SLC24A2: variants seen among roughly 807,000 people sequenced by gnomAD.
SLC24A2 encodes sodium/potassium/calcium exchanger 2.
Under a neutral mutation model 62.0 loss-of-function variants are expected in SLC24A2, and 36 were observed. That is an observed-to-expected ratio of 0.58 (90% CI 0.44 to 0.77). SLC24A2 has a LOEUF of 0.77. SLC24A2 is among the 30% of genes least tolerant of loss of function. SLC24A2 has a pLI of 0.00. For synonymous variants in SLC24A2, 358 were observed against 294.0 expected (o/e 1.22, Z -2.23); for missense variants, 846 against 817.9 (o/e 1.03, Z -0.42).
the SLC24A2 span, among the ~76,000 whole-genome samples, chr9:20,220,292 G>C: frequency 1.1e-4 from 17 of 151,904 alleles, no homozygotes; most frequent in African/African-American, 4.1e-4. Context: ...GACTACTTTC[G>C]GCCCTCATTA....
chr9:19,859,493 T>TA, the SLC24A2 span, among the ~76,000 whole-genome samples: 1 of 152,018 alleles, frequency 6.6e-6, no homozygotes, highest in East Asian at 1.9e-4. Context: ...TCCCTGAACC[T>TA]AAAATAAATG....
the SLC24A2 span, among the ~76,000 whole-genome samples, chr9:19,990,282 A>G: frequency 6.6e-6 from 1 of 152,040 alleles, no homozygotes. Flanking sequence ...TTTGCTTTCC[A>G]TGGTTTAGGT....
chr9:19,654,129 T>G lies in SLC24A2; in HGVS notation c.931-31830A>C, dbSNP rs545508505. 1.3e-4 allele frequency among the ~76,000 whole-genome samples: 20 copies of G among 152,346 alleles called. 1 individual carries two copies. Among genetic ancestry groups the G allele is most frequent in the African/African-American group, 4.8e-4 (20 of 41,590 alleles). On this transcript the variant is annotated intron_variant, in intron 2 of 10. Transcript: ENST00000341998. Reference sequence around the variant, plus strand: ...CAACCATTGATCCACTTTTGGTTATTACAGTGTTGCCTTTTCAAGACTTTC... The same window carrying G: ...CAACCATTGATCCACTTTTGGTTATGACAGTGTTGCCTTTTCAAGACTTTC...
chr9:19,983,665 T>C, the SLC24A2 span, among the ~76,000 whole-genome samples: 1 of 152,092 alleles, frequency 6.6e-6, no homozygotes, highest in Non-Finnish European at 1.5e-5. Flanking sequence ...AAAAATGTTT[T>C]ATTTTTTCAT....
intron 7 of SLC24A2, among the ~76,000 whole-genome samples, chr9:19,569,616 C>T (rs1203287296): frequency 6.6e-6 from 1 of 151,580 alleles, no homozygotes; most frequent in Admixed American, 6.6e-5. Context: ...TGCCATAAAC[C>T]CTCCTTCCCT....
At chr9:20,064,906 G>C in the SLC24A2 span, among the ~76,000 whole-genome samples, 1 of 152,288 alleles carries the variant, frequency 6.6e-6, no homozygotes, top group African/African-American at 2.4e-5. Context: ...GTGCCTGCCA[G>C]TCACCCTGGG....
At chr9:20,017,215 G>T in the SLC24A2 span, among the ~76,000 whole-genome samples, 573 of 152,078 alleles carry the variant, frequency 3.8e-3, 1 homozygote, top group Non-Finnish European at 5.9e-3. Flanking sequence ...TAGAGACAGG[G>T]TTTCACCACG....
the SLC24A2 span, among the ~76,000 whole-genome samples, chr9:19,904,440 C>T: frequency 6.6e-6 from 1 of 152,116 alleles, no homozygotes; most frequent in African/African-American, 2.4e-5. Context: ...TTTCTAAAGA[C>T]ATCTGAATTT....
intron 2 of SLC24A2, chr9:19,705,201 G>T (rs1017972413): frequency 6.6e-6 from 1 of 152,100 alleles, no homozygotes; most frequent in South Asian, 2.1e-4. Flanking sequence ...ATGACATAAT[G>T]CAAATAATGA....
the SLC24A2 span, among the ~76,000 whole-genome samples, chr9:20,104,607 T>A: frequency 6.6e-6 from 1 of 152,104 alleles, no homozygotes; most frequent in African/African-American, 2.4e-5. Context: ...CTAAGCTTCA[T>A]AAGTGAAGGA....
At chr9:19,660,263 T>C (rs2118233110) in intron 2 of SLC24A2, among the ~76,000 whole-genome samples, 2 of 152,292 alleles carry the variant, frequency 1.3e-5, no homozygotes, top group Middle Eastern at 3.4e-3. Context: ...TAGAAGTGAC[T>C]CATTCATATA....
At chr9:19,682,908 A>G (rs1819763707) in intron 2 of SLC24A2, among the ~76,000 whole-genome samples, 1 of 152,158 alleles carries the variant, frequency 6.6e-6, no homozygotes, top group Admixed American at 6.6e-5. Flanking sequence ...TGTATTGATT[A>G]GCTGTACTGT....
the SLC24A2 span, among the ~76,000 whole-genome samples, chr9:19,919,769 A>AG: frequency 1.3e-5 from 2 of 152,154 alleles, no homozygotes; most frequent in Non-Finnish European, 2.9e-5. Context: ...GGAGAAGTGC[A>AG]GGGCAAAGGG....
intron 2 of SLC24A2, among the ~76,000 whole-genome samples, chr9:19,638,142 G>A (rs997195270): frequency 6.6e-6 from 1 of 152,214 alleles, no homozygotes; most frequent in South Asian, 2.1e-4. Flanking sequence ...ACCTTGTAAA[G>A]TTGGGGGCCA....
At chr9:19,646,770 A>G (rs1818647867) in intron 2 of SLC24A2, among the ~76,000 whole-genome samples, 1 of 152,122 alleles carries the variant, frequency 6.6e-6, no homozygotes, top group South Asian at 2.1e-4. Context: ...TACAGCCTTA[A>G]AAATATGGCT....
At chr9:19,992,878 G>C in the SLC24A2 span, among the ~76,000 whole-genome samples, 1 of 152,180 alleles carries the variant, frequency 6.6e-6, no homozygotes, top group African/African-American at 2.4e-5. Flanking sequence ...AGGACAATCT[G>C]TCGACCTATC....
At chr9:19,679,677 C>CT (rs1819658310) in intron 2 of SLC24A2, among the ~76,000 whole-genome samples, 1 of 152,150 alleles carries the variant, frequency 6.6e-6, no homozygotes, top group Non-Finnish European at 1.5e-5. Context: ...TTGTCTTCTC[C>CT]TGCCATTGGT....
At chr9:20,290,883 G>C in the SLC24A2 span, among the ~76,000 whole-genome samples, 2 of 152,188 alleles carry the variant, frequency 1.3e-5, no homozygotes, top group Non-Finnish European at 2.9e-5. Context: ...TAAGGTAGAG[G>C]ACAGCTGATT....
At chr9:20,202,839 A>G in the SLC24A2 span, among the ~76,000 whole-genome samples, 2 of 152,228 alleles carry the variant, frequency 1.3e-5, no homozygotes. Flanking sequence ...GTATTAACAT[A>G]GAAAGCAGTA....
Sources: gnomAD v4.1 joint callset for allele counts (sites outside exome capture counted in the v4.1 genomes callset) on GRCh38, gnomAD v4.1.1 for gene constraint, MANE v1.5 for transcripts, NCBI Gene and HGNC (gene_info 2026-07-23, HGNC 2026-07-21) for gene names.